Variants in GRIK2 observed in about 807,000 individuals in gnomAD.
GRIK2 encodes the protein glutamate ionotropic receptor kainate type subunit 2.
Under a neutral mutation model 100.3 loss-of-function variants are expected in GRIK2, and 32 were observed. The ratio of observed to expected loss-of-function variants is 0.32; its 90% CI spans 0.24 to 0.43. The LOEUF (loss-of-function observed/expected upper bound fraction) is 0.43, where lower values mean the gene tolerates loss of function less well. Ranked by LOEUF, GRIK2 falls within the 20% of genes least tolerant of loss-of-function variation. The pLI is 1.00. For missense variants in GRIK2, 843 were observed against 1,114.9 expected (o/e 0.76, Z 3.47); for synonymous variants, 417 against 389.4 (o/e 1.07, Z -0.83).
chr6:101,961,455 G>A lies in GRIK2; in HGVS notation c.2085+32823G>A, dbSNP rs182501012. 7.4e-4 allele frequency among the ~76,000 whole-genome samples: 112 copies of A among 152,082 alleles called. 2 individuals carry two copies. The highest frequency in any genetic ancestry group is 2.4e-3 in the African/African-American group (101 of 41,488). On this transcript the variant is annotated intron_variant, in intron 14 of 16. Coordinates refer to ENST00000369134, the MANE Select transcript of GRIK2 (RefSeq NM_021956.5). ...TCTCCCTAGGCATACCCATGCCAAC[G>A]CCCCCCACGAAAGAACAGCTAGCTG...
chr6:101,496,887 A>G (rs1165297891), intron 2 of GRIK2, among the ~76,000 whole-genome samples: 1 of 152,218 alleles, frequency 6.6e-6, no homozygotes, highest in East Asian at 1.9e-4. Flanking sequence ...AGTTTTTATC[A>G]TGGTTTGAGA....
intron 10 of GRIK2, among the ~76,000 whole-genome samples, chr6:101,836,735 G>C (rs1478150706): frequency 2.3e-5 from 3 of 131,736 alleles, no homozygotes; most frequent in Non-Finnish European, 3.1e-5. Context: ...GTGTGATCTT[G>C]GCTCACTGCA....
chr6:101,669,401 AC>A (rs1169637160), intron 4 of GRIK2, among the ~76,000 whole-genome samples: 1 of 152,130 alleles, frequency 6.6e-6, no homozygotes, highest in Non-Finnish European at 1.5e-5. Context: ...CTTCATTTTG[AC>A]CAATGGACTG....
At chr6:102,017,702 T>C (rs1181269002) in intron 14 of GRIK2, among the ~76,000 whole-genome samples, 1 of 152,136 alleles carries the variant, frequency 6.6e-6, no homozygotes, top group Admixed American at 6.6e-5. Flanking sequence ...TTCTTAGATA[T>C]TTTGTTCTGA....
chr6:101,684,765 T>C (rs1211171058), intron 6 of GRIK2, among the ~76,000 whole-genome samples: 4 of 151,382 alleles, frequency 2.6e-5, no homozygotes, highest in East Asian at 1.9e-4. Context: ...TAGATAGTTA[T>C]GTAGGAAAAT....
chr6:101,743,800 A>C (rs1028529676), intron 7 of GRIK2, among the ~76,000 whole-genome samples: 1 of 152,222 alleles, frequency 6.6e-6, no homozygotes, highest in African/African-American at 2.4e-5. Flanking sequence ...ATATTTGCTT[A>C]ATATGAGTAT....
chr6:101,870,226 A>C (rs1419239952), intron 11 of GRIK2, among the ~76,000 whole-genome samples: 1 of 151,898 alleles, frequency 6.6e-6, no homozygotes, highest in African/African-American at 2.4e-5. Flanking sequence ...CTTTCAATAC[A>C]TACATCATTA....
At chr6:101,453,019 A>G (rs1214326880) in intron 2 of GRIK2, among the ~76,000 whole-genome samples, 2 of 151,862 alleles carry the variant, frequency 1.3e-5, no homozygotes, top group Non-Finnish European at 2.9e-5. Flanking sequence ...GTTCTAAAAA[A>G]AATCCTTTCT....
intron 2 of GRIK2, among the ~76,000 whole-genome samples, chr6:101,584,961 T>C (rs1778283852): frequency 6.6e-6 from 1 of 151,928 alleles, no homozygotes; most frequent in Non-Finnish European, 1.5e-5. Context: ...TAACTACATA[T>C]AAGAGAATTC....
intron 11 of GRIK2, among the ~76,000 whole-genome samples, chr6:101,880,997 C>G (rs1448608005): frequency 3.3e-5 from 5 of 151,746 alleles, no homozygotes; most frequent in African/African-American, 4.8e-5. Flanking sequence ...CATTTCATGT[C>G]TTAGTAGTTT....
At chr6:101,521,290 T>C (rs1024135548) in intron 2 of GRIK2, among the ~76,000 whole-genome samples, 1 of 152,020 alleles carries the variant, frequency 6.6e-6, no homozygotes, top group Non-Finnish European at 1.5e-5. Context: ...TTGTATTGTG[T>C]TTTAATAGCA....
chr6:101,793,475 C>G (rs1427024839), intron 7 of GRIK2, among the ~76,000 whole-genome samples: 1 of 152,190 alleles, frequency 6.6e-6, no homozygotes, highest in African/African-American at 2.4e-5. Context: ...AGGACCACTC[C>G]AGACCCTGTT....
At chr6:102,004,555 T>C (rs1400601756) in intron 14 of GRIK2, among the ~76,000 whole-genome samples, 1 of 151,958 alleles carries the variant, frequency 6.6e-6, no homozygotes, top group Non-Finnish European at 1.5e-5. Context: ...AGATTTATGT[T>C]TCAAAGTTAA....
intron 2 of GRIK2, among the ~76,000 whole-genome samples, chr6:101,462,623 G>C (rs868549371): frequency 2.6e-5 from 4 of 152,138 alleles, no homozygotes; most frequent in Non-Finnish European, 5.9e-5. Flanking sequence ...GCTTTTATCT[G>C]TGCTCCTGGG....
chr6:101,927,900 A>G (rs982321964), intron 13 of GRIK2: 11 of 155,750 alleles, frequency 7.1e-5, no homozygotes, highest in African/African-American at 2.7e-4. Context: ...AATGTGGGCA[A>G]TAGTAGTTAT....
At chr6:101,791,872 T>A (rs1386123633) in intron 7 of GRIK2, among the ~76,000 whole-genome samples, 4 of 151,758 alleles carry the variant, frequency 2.6e-5, no homozygotes, top group Admixed American at 6.6e-5. Context: ...CAGGACTTGC[T>A]TTATGAATCT....
intron 4 of GRIK2, among the ~76,000 whole-genome samples, chr6:101,643,607 C>T (rs1215356369): frequency 6.6e-6 from 1 of 151,538 alleles, no homozygotes; most frequent in East Asian, 1.9e-4. Flanking sequence ...TGCCTTTGTG[C>T]CAGTATCATA....
At chr6:101,755,411 C>T (rs1321113016) in intron 7 of GRIK2, among the ~76,000 whole-genome samples, 1 of 152,102 alleles carries the variant, frequency 6.6e-6, no homozygotes, top group African/African-American at 2.4e-5. Context: ...TTGTGATCCG[C>T]CTGCCTCGGC....
At chr6:101,947,353 G>T (rs1391855110) in intron 14 of GRIK2, among the ~76,000 whole-genome samples, 5 of 151,992 alleles carry the variant, frequency 3.3e-5, no homozygotes, top group Non-Finnish European at 7.4e-5. Context: ...GATCATAACA[G>T]GAATTAAACA....
Sources: allele counts gnomAD v4.1 joint callset (sites outside exome capture counted in the v4.1 genomes callset), GRCh38; gene constraint gnomAD v4.1.1; transcripts MANE v1.5; gene names NCBI Gene and HGNC (gene_info 2026-07-23, HGNC 2026-07-21).